TBC1D22A: variants seen among roughly 807,000 people sequenced by gnomAD.
The protein encoded by TBC1D22A is TBC1 domain family member 22A.
Under a neutral mutation model 60.2 loss-of-function variants are expected in TBC1D22A, and 38 were observed. The ratio of observed to expected loss-of-function variants is 0.63; its 90% CI spans 0.49 to 0.83. TBC1D22A has a LOEUF of 0.83. TBC1D22A is among the 40% of genes least tolerant of loss of function. TBC1D22A has a pLI of 0.00. For synonymous variants in TBC1D22A, 302 were observed against 281.7 expected, an observed-to-expected ratio of 1.07 and a Z score of -0.72; for missense variants, 628 against 701.0, an observed-to-expected ratio of 0.90 and a Z score of 1.18.
At chr22:46,886,103 G>A (rs2068101136) in intron 5 of TBC1D22A, among the ~76,000 whole-genome samples, 1 of 151,974 alleles carries the variant, frequency 6.6e-6, no homozygotes, top group Non-Finnish European at 1.5e-5. Flanking sequence ...TTTTCACCGT[G>A]TTAGCCAGGA....
chr22:46,792,666 A>G, intron 2 of TBC1D22A, 90 bp downstream of exon 2: 1 of 1,611,618 alleles, frequency 6.2e-7, no homozygotes, highest in Non-Finnish European at 8.5e-7. Context: ...TCCTGCTCCC[A>G]GGCATTCCTC....
intron 11 of TBC1D22A, among the ~76,000 whole-genome samples, chr22:47,091,526 A>C (rs921863586): frequency 3.3e-4 from 43 of 131,430 alleles, no homozygotes; most frequent in Non-Finnish European, 6.1e-4. Context: ...AGAGACAGGC[A>C]GGAGAAGTCG....
chr22:46,872,304 T>C (rs1396500986), intron 4 of TBC1D22A, among the ~76,000 whole-genome samples: 1 of 152,164 alleles, frequency 6.6e-6, no homozygotes, highest in African/African-American at 2.4e-5. Flanking sequence ...TAAACACTTC[T>C]CATTTTTTTT....
chr22:46,991,865 T>C (rs1159274017), intron 9 of TBC1D22A, among the ~76,000 whole-genome samples: 1 of 152,172 alleles, frequency 6.6e-6, no homozygotes, highest in African/African-American at 2.4e-5. Context: ...GGATGTGACA[T>C]GCTCCCTCGG....
chr22:47,111,677 A>C (rs968117704), intron 12 of TBC1D22A, 74 bp downstream of exon 12: 55 of 1,384,846 alleles, frequency 4.0e-5, no homozygotes, highest in Non-Finnish European at 5.3e-5. Context: ...ATTTTAGTTC[A>C]CAGGGTTATT....
At chr22:47,119,499 T>A (rs778155978) in intron 12 of TBC1D22A, among the ~76,000 whole-genome samples, 1 of 122,968 alleles carries the variant, frequency 8.1e-6, no homozygotes, top group Non-Finnish European at 1.5e-5. Context: ...GACTGGGTAA[T>A]TTTTTTTTTT....
intron 10 of TBC1D22A, among the ~76,000 whole-genome samples, chr22:47,030,856 A>G (rs774023767): frequency 2.6e-5 from 4 of 152,252 alleles, no homozygotes; most frequent in Middle Eastern, 3.2e-3. Context: ...TTAGCAGCCC[A>G]TCCTTCACCG....
rs1026275569 is a variant in TBC1D22A at position 46,992,763 on chromosome 22, G to A, written c.1126-4871G>A. Among the ~76,000 whole-genome samples, 30 of 152,344 alleles carry A rather than the reference G, an allele frequency of 2.0e-4. 2 individuals carry two copies. In the South Asian group the frequency reaches 4.8e-3, roughly 24 times the overall value. On this transcript the variant is annotated intron_variant, in intron 9 of 12. Coordinates refer to ENST00000337137, the MANE Select transcript of TBC1D22A (RefSeq NM_014346.5). The stretch of plus-strand genomic sequence containing the variant: ...CTGACAGTGGAGTGCAGCTGTGACA[G>A]GAGGCTTCCTAGCTCTGTCCTTGCG...
chr22:46,879,184 T>C (rs1602281592), intron 5 of TBC1D22A, among the ~76,000 whole-genome samples: 1 of 143,670 alleles, frequency 7.0e-6, no homozygotes, highest in Non-Finnish European at 1.5e-5. Context: ...ATGAGACAAG[T>C]GGTTTGTGTT....
chr22:46,850,475 C>T (rs901312782), intron 4 of TBC1D22A, among the ~76,000 whole-genome samples: 1 of 152,112 alleles, frequency 6.6e-6, no homozygotes, highest in Non-Finnish European at 1.5e-5. Flanking sequence ...GTTGTACCCA[C>T]TAGGATGATT....
intron 12 of TBC1D22A, among the ~76,000 whole-genome samples, chr22:47,127,987 C>T (rs2066530556): frequency 8.7e-6 from 1 of 115,468 alleles, no homozygotes; most frequent in East Asian, 2.8e-4. Context: ...CCCATCCCCC[C>T]ATCCTCCCTC....
At chr22:47,127,550 T>C (rs1038736306) in intron 12 of TBC1D22A, among the ~76,000 whole-genome samples, 1 of 152,076 alleles carries the variant, frequency 6.6e-6, no homozygotes, top group African/African-American at 2.4e-5. Flanking sequence ...GACGTGGGCC[T>C]CCTAGGCTTT....
chr22:46,828,284 C>A (rs2086158162), intron 4 of TBC1D22A, among the ~76,000 whole-genome samples: 1 of 152,188 alleles, frequency 6.6e-6, no homozygotes, highest in Non-Finnish European at 1.5e-5. Flanking sequence ...AAATGGAGGC[C>A]TCATAATTCT....
At chr22:46,885,078 T>C (rs538522232) in intron 5 of TBC1D22A, among the ~76,000 whole-genome samples, 29 of 152,200 alleles carry the variant, frequency 1.9e-4, no homozygotes, top group Non-Finnish European at 3.4e-4. Context: ...GAAAGGACCG[T>C]GGGGTCTTTG....
At position 47,028,407 on chromosome 22, in the gene TBC1D22A, C is replaced by T. The variant is rs903153045; in HGVS notation, c.1202-8664C>T. 4.3e-5 allele frequency among the ~76,000 whole-genome samples: 6 copies of T among 139,252 alleles called. No individual in the cohort carries two copies. Among genetic ancestry groups the T allele is most frequent in the Admixed American group, 1.4e-4 (2 of 14,140 alleles). 91.4% of individuals were successfully genotyped at this position (139,252 alleles called of 152,430 possible). A position where few individuals can be genotyped will look rare whatever the true frequency, so the allele number is the denominator to read the frequency against. ...CCTGTCCCTCGGTCCCTGTCCCCCA[C>T]GGCCCAGGTTCTGAGAGCGAGTGGT... On this transcript the variant is annotated intron_variant, in intron 10 of 12. Transcript: ENST00000337137. The surrounding 1 kb of genome is among the most constrained non-coding windows in gnomAD (Gnocchi z 4.4).
At chr22:46,924,212 C>T (rs1390380977) in intron 8 of TBC1D22A, among the ~76,000 whole-genome samples, 5 of 152,174 alleles carry the variant, frequency 3.3e-5, no homozygotes, top group South Asian at 2.1e-4. Flanking sequence ...ACTGATAGCT[C>T]GGAGTGGCTG....
At chr22:46,974,447 G>A (rs4437) in intron 9 of TBC1D22A, 48 bp downstream of exon 9, 333,874 of 1,501,016 alleles carry the variant, frequency 0.22, 38,584 homozygotes, top group East Asian at 0.28. Context: ...CAGCCCCTGC[G>A]GTGAAGAGAG....
At chr22:47,030,866 G>A (rs1419623215) in intron 10 of TBC1D22A, among the ~76,000 whole-genome samples, 2 of 152,242 alleles carry the variant, frequency 1.3e-5, no homozygotes, top group African/African-American at 2.4e-5. Flanking sequence ...ATCCTTCACC[G>A]TGCCCAGACG....
At chr22:46,907,067 ATGTGTGCTCTTCTGTGTG>A (rs1394214005) in intron 7 of TBC1D22A, among the ~76,000 whole-genome samples, 1 of 138,506 alleles carries the variant, frequency 7.2e-6, no homozygotes. Context: ...TCTTCTCCAC[ATGTGTGCTCTTCTGTGTG>A]TGTGTGCTCT....
Sources: gnomAD v4.1 joint callset for allele counts (sites outside exome capture counted in the v4.1 genomes callset) on GRCh38, gnomAD v4.1.1 for gene constraint, Gnocchi (gnomAD v3.1) non-coding constraint, MANE v1.5 for transcripts, NCBI Gene and HGNC (gene_info 2026-07-23, HGNC 2026-07-21) for gene names.